The following PTK2 variants were observed in gnomAD, a reference collection of about 807,000 sequenced individuals.
PTK2 encodes the protein protein tyrosine kinase 2.
In PTK2, 45 loss-of-function variants were observed where a neutral mutation model predicts 150.1. The observed-to-expected ratio is 0.30, with a 90% CI of 0.24 to 0.38. The LOEUF is 0.38. PTK2 is among the 10% of genes least tolerant of loss of function. PTK2 has a pLI of 1.00. For missense variants in PTK2, 919 were observed against 1,307.3 expected, an observed-to-expected ratio of 0.70 and a Z score of 4.58; for synonymous variants, 432 against 449.2, an observed-to-expected ratio of 0.96 and a Z score of 0.48.
intron 1 of PTK2, among the ~76,000 whole-genome samples, chr8:140,965,343 A>G (rs1253579740): frequency 6.6e-6 from 1 of 152,120 alleles, no homozygotes; most frequent in Non-Finnish European, 1.5e-5. Context: ...CTTGATGTAC[A>G]TGTGGTAGGG....
At chr8:140,812,776 A>C (rs1485949236) in intron 10 of PTK2, among the ~76,000 whole-genome samples, 1 of 152,234 alleles carries the variant, frequency 6.6e-6, no homozygotes, top group Non-Finnish European at 1.5e-5. Flanking sequence ...CAGTTAAAAA[A>C]GACAAAGAAG....
chr8:140,694,414 T>C (rs1022145856), intron 26 of PTK2, among the ~76,000 whole-genome samples: 3 of 152,218 alleles, frequency 2.0e-5, no homozygotes, highest in East Asian at 3.8e-4. Context: ...GTCTGGCTTA[T>C]ATTTTTATGT....
chr8:140,985,521 T>C (rs1371757440), intron 1 of PTK2, among the ~76,000 whole-genome samples: 1 of 152,220 alleles, frequency 6.6e-6, no homozygotes, highest in Admixed American at 6.5e-5. Flanking sequence ...ACGGTTCTCA[T>C]CAACATCCAG....
intron 10 of PTK2, among the ~76,000 whole-genome samples, chr8:140,804,428 GA>G (rs879737232): frequency 0.014 from 2,033 of 140,908 alleles, 26 homozygotes; most frequent in Admixed American, 0.038. Context: ...TCTACCAAAA[GA>G]AAAAAAAAAA....
intron 11 of PTK2, among the ~76,000 whole-genome samples, chr8:140,801,800 A>G (rs1452414533): frequency 2.0e-5 from 3 of 152,230 alleles, no homozygotes; most frequent in Non-Finnish European, 4.4e-5. Flanking sequence ...AATGCACCAC[A>G]TAACAACATT....
At chr8:140,831,143 A>T (rs2100115120) in intron 7 of PTK2, among the ~76,000 whole-genome samples, 1 of 152,240 alleles carries the variant, frequency 6.6e-6, no homozygotes, top group Non-Finnish European at 1.5e-5. Flanking sequence ...ATGTTCTTTA[A>T]GTCAGGCAAC....
chr8:140,676,628 T>A (rs1388229790), intron 27 of PTK2, among the ~76,000 whole-genome samples: 3 of 134,348 alleles, frequency 2.2e-5, no homozygotes, highest in Non-Finnish European at 1.6e-5. Flanking sequence ...GGAACAGCGT[T>A]AAGACATTAC....
At chr8:140,876,005 T>C (rs1033795467) in intron 4 of PTK2, among the ~76,000 whole-genome samples, 1 of 152,230 alleles carries the variant, frequency 6.6e-6, no homozygotes, top group Non-Finnish European at 1.5e-5. Flanking sequence ...TCCCTAATGA[T>C]GCTTTAAAAG....
At chr8:140,742,607 T>C (rs1448448052) in intron 20 of PTK2, among the ~76,000 whole-genome samples, 1 of 152,248 alleles carries the variant, frequency 6.6e-6, no homozygotes, top group Non-Finnish European at 1.5e-5. Context: ...TGGACACAGA[T>C]GTGGAACATC....
At chr8:140,866,031 C>T (rs560491772) in intron 4 of PTK2, among the ~76,000 whole-genome samples, 60 of 152,238 alleles carry the variant, frequency 3.9e-4, no homozygotes, top group African/African-American at 1.3e-3. Flanking sequence ...TCAACAAATC[C>T]GCCTGCCTTG....
intron 1 of PTK2, among the ~76,000 whole-genome samples, chr8:140,949,534 AG>A (rs1355021299): frequency 6.6e-6 from 1 of 152,222 alleles, no homozygotes; most frequent in African/African-American, 2.4e-5. Flanking sequence ...TCCAGGGCAG[AG>A]CAAAGTTGTG....
chr8:140,888,078 T>C (rs1463111305), intron 3 of PTK2, among the ~76,000 whole-genome samples: 1 of 152,210 alleles, frequency 6.6e-6, no homozygotes, highest in Non-Finnish European at 1.5e-5. Context: ...CTTGGATTCT[T>C]TACTAATCTA....
intron 14 of PTK2, among the ~76,000 whole-genome samples, chr8:140,765,408 T>C (rs1008312292): frequency 1.3e-5 from 2 of 152,194 alleles, no homozygotes; most frequent in African/African-American, 4.8e-5. Flanking sequence ...TCTATGGTAA[T>C]GACTGAGATC....
chr8:140,744,038 A>C (rs1420744381), intron 19 of PTK2, among the ~76,000 whole-genome samples: 2 of 146,936 alleles, frequency 1.4e-5, no homozygotes, highest in Admixed American at 6.8e-5. Context: ...CGGCCTCCCA[A>C]AGTGCTGGGA....
At chr8:140,916,899 G>A (rs1002774562) in intron 2 of PTK2, among the ~76,000 whole-genome samples, 6 of 152,142 alleles carry the variant, frequency 3.9e-5, no homozygotes, top group Non-Finnish European at 4.4e-5. Flanking sequence ...ATCGCATCTG[G>A]AAAATGGGGA....
intron 1 of PTK2, among the ~76,000 whole-genome samples, chr8:140,960,840 C>T (rs1455881737): frequency 7.2e-5 from 11 of 152,040 alleles, no homozygotes; most frequent in African/African-American, 1.4e-4. Flanking sequence ...ATTAGCCAGG[C>T]GTGGTGGCGC....
At chr8:140,804,660 C>A (rs1198477429) in intron 10 of PTK2, among the ~76,000 whole-genome samples, 4 of 152,232 alleles carry the variant, frequency 2.6e-5, no homozygotes, top group Non-Finnish European at 4.4e-5. Context: ...GTTAAGGCCA[C>A]TCTGTCAGCT....
chr8:140,818,780 G>T, intron 9 of PTK2, 100 bp downstream of exon 9: 2 of 1,276,764 alleles, frequency 1.6e-6, no homozygotes, highest in Non-Finnish European at 2.2e-6. Context: ...AAAAAAATGG[G>T]ACAAGTTAGC....
chr8:140,924,299 T>G (rs775399506), intron 2 of PTK2, among the ~76,000 whole-genome samples: 3 of 152,178 alleles, frequency 2.0e-5, no homozygotes, highest in Admixed American at 1.3e-4. Context: ...TGTCTGAAAC[T>G]GCATGGCCCA....
Sources: gnomAD v4.1 joint callset for allele counts (sites outside exome capture counted in the v4.1 genomes callset) on GRCh38, gnomAD v4.1.1 for gene constraint, MANE v1.5 for transcripts, NCBI Gene and HGNC (gene_info 2026-07-23, HGNC 2026-07-21) for gene names.